The following MARCHF4 variants were observed in gnomAD, a reference collection of about 807,000 sequenced individuals.
MARCHF4 encodes E3 ubiquitin-protein ligase MARCHF4.
In MARCHF4, 14 loss-of-function variants were observed where a neutral mutation model predicts 43.9. That is an observed-to-expected ratio of 0.32 (90% CI 0.21 to 0.50). The LOEUF (loss-of-function observed/expected upper bound fraction) is 0.50, where lower values mean the gene tolerates loss of function less well. Among genes scored for constraint, MARCHF4 ranks in the 20% least tolerant of loss-of-function variants. The pLI is 0.98. For missense variants in MARCHF4, 468 were observed against 536.7 expected (o/e 0.87, Z 1.27); for synonymous variants, 226 against 213.3 (o/e 1.06, Z -0.52).
In MARCHF4 at chr2:216,369,968, CCCA is replaced by C. The variant is rs1299715647; in HGVS notation, c.290_292del (p.Val97del). 1.9e-6 allele frequency: 3 copies of C among 1,565,898 alleles called. No individual in the cohort carries two copies. Among genetic ancestry groups the C allele is most frequent in the East Asian group, 2.3e-5 (1 of 42,622 alleles). On this transcript the variant is annotated inframe_deletion, in exon 1 of 4. Transcript: ENST00000273067. The stretch of plus-strand genomic sequence containing the variant: ...AGGTGGCACAGGAGGGGGCTCCCTG[CCCA>C]CCACTTCTCGGGGGCCCCTCCAGCC...
chr2:216,320,685 T>C, intron 1 of MARCHF4, among the ~76,000 whole-genome samples: 1 of 144,232 alleles, frequency 6.9e-6, no homozygotes, highest in South Asian at 2.2e-4. Flanking sequence ...CTTTTTTTTT[T>C]TTTGAGATGG....
intron 3 of MARCHF4, among the ~76,000 whole-genome samples, chr2:216,272,727 T>C (rs1020660835): frequency 1.3e-5 from 2 of 152,212 alleles, no homozygotes; most frequent in African/African-American, 2.4e-5. Flanking sequence ...GTTTGTTCCA[T>C]CCAAAGCAAC....
At chr2:216,353,539 T>C (rs1207161310) in intron 1 of MARCHF4, among the ~76,000 whole-genome samples, 1 of 152,054 alleles carries the variant, frequency 6.6e-6, no homozygotes, top group Admixed American at 6.5e-5. Context: ...TCTGGGTCCT[T>C]GTTTCTTCTT....
Position 216,369,822 on chromosome 2 carries a change from G to C in MARCHF4, c.439C>G (p.Arg147Gly). ...DDFCKEKTED[R>G]YSLGSSLDSG... Reference sequence around the variant, plus strand: ...TCCAAGCTGCTGCCCAGTGAGTAGCGATCCTCGGTCTTCTCCTTACAGAAG... The same window carrying C: ...TCCAAGCTGCTGCCCAGTGAGTAGCCATCCTCGGTCTTCTCCTTACAGAAG... The change falls in exon 1 of 4, where the codon CGC (arginine) becomes GGC (glycine). Residue 147 changes from arginine to glycine, a missense_variant. This residue lies in a region of MARCHF4 where 158 missense variants were observed against 251.1 expected (regional missense o/e 0.63). Coordinates refer to ENST00000273067, the MANE Select transcript of MARCHF4 (RefSeq NM_020814.3). 1.2e-6 allele frequency: 2 copies of C among 1,613,854 alleles called. No homozygotes were observed. Among genetic ancestry groups the C allele is most frequent in the Non-Finnish European group, 1.7e-6 (2 of 1,179,978 alleles).
intron 1 of MARCHF4, among the ~76,000 whole-genome samples, chr2:216,357,443 C>G (rs1302213753): frequency 6.6e-6 from 1 of 152,188 alleles, no homozygotes; most frequent in Non-Finnish European, 1.5e-5. Context: ...ACCTCAGTCC[C>G]CTGAGTAGCT....
At chr2:216,367,461 G>A (rs530635194) in intron 1 of MARCHF4, among the ~76,000 whole-genome samples, 2 of 150,746 alleles carry the variant, frequency 1.3e-5, no homozygotes, top group African/African-American at 2.4e-5. Flanking sequence ...AAAAAAAAAT[G>A]AGAAGAAACT....
chr2:216,293,950 G>A lies in MARCHF4; in HGVS notation c.517-10221C>T, dbSNP rs866357752. On this transcript the variant is annotated intron_variant, in intron 1 of 3. Coordinates refer to ENST00000273067, the MANE Select transcript of MARCHF4 (RefSeq NM_020814.3). ...GACCTAAATGTGTAATATACTGTCC[G>A]TTTGTCTTTCTGCATAACTCATCAT... Among the ~76,000 whole-genome samples, 16 of 86,714 alleles carry A rather than the reference G, an allele frequency of 1.8e-4. 2 individuals are homozygous for A. The highest frequency in any genetic ancestry group is 1.7e-3 in the South Asian group (5 of 2,998). 56.9% of individuals were successfully genotyped at this position (86,714 alleles called of 152,430 possible).
intron 1 of MARCHF4, among the ~76,000 whole-genome samples, chr2:216,299,143 T>C (rs1376187754): frequency 1.3e-5 from 2 of 151,736 alleles, no homozygotes; most frequent in African/African-American, 2.4e-5. Context: ...CTTTGCACTG[T>C]AGGGAAGGAG....
intron 3 of MARCHF4, among the ~76,000 whole-genome samples, chr2:216,260,518 G>A (rs986889107): frequency 3.3e-5 from 5 of 152,242 alleles, no homozygotes; most frequent in Non-Finnish European, 7.3e-5. Context: ...AGAGATCCAT[G>A]CAAAGATCTG....
rs1692592901 is a variant in MARCHF4, at chr2:216,362,199, A to G, written c.516+7546T>C. 3.9e-5 allele frequency among the ~76,000 whole-genome samples: 6 copies of G among 152,186 alleles called. No individual in the cohort carries two copies. The South Asian group carries it at 1.2e-3, about 32-fold the overall frequency. On this transcript the variant is annotated intron_variant, in intron 1 of 3. Transcript: ENST00000273067. ...GATTACCAGGACAAGAATCATTGCT[A>G]TTTCTCATTATAGAAACAGAAAATG...
At chr2:216,367,635 A>T (rs1186445308) in intron 1 of MARCHF4, among the ~76,000 whole-genome samples, 8 of 152,236 alleles carry the variant, frequency 5.3e-5, no homozygotes. Context: ...CTTAATGCAG[A>T]CAGGGCCCCC....
At chr2:216,355,186 G>C (rs1178975671) in intron 1 of MARCHF4, among the ~76,000 whole-genome samples, 2 of 151,962 alleles carry the variant, frequency 1.3e-5, no homozygotes, top group Non-Finnish European at 2.9e-5. Flanking sequence ...TGGTCAGGCT[G>C]GTCTTGAACT....
chr2:216,296,244 G>T (rs1691391776), intron 1 of MARCHF4, among the ~76,000 whole-genome samples: 2 of 152,346 alleles, frequency 1.3e-5, no homozygotes, highest in South Asian at 4.1e-4. Flanking sequence ...TACTTGGGAG[G>T]CTGAGGCAGG....
At chr2:216,271,957 ATTTTTTTTT>A (rs57629851) in intron 3 of MARCHF4, among the ~76,000 whole-genome samples, 1 of 100,602 alleles carries the variant, frequency 9.9e-6, no homozygotes, top group African/African-American at 4.1e-5. Flanking sequence ...CACCTGGCTA[ATTTTTTTTT>A]TTTTTTTTTT....
intron 3 of MARCHF4, among the ~76,000 whole-genome samples, chr2:216,270,365 C>G (rs1023153795): frequency 6.6e-6 from 1 of 152,136 alleles, no homozygotes; most frequent in Non-Finnish European, 1.5e-5. Context: ...CATTAGCCAC[C>G]ATGTCTGGCC....
At chr2:216,340,912 G>C (rs945815983) in intron 1 of MARCHF4, among the ~76,000 whole-genome samples, 1 of 152,134 alleles carries the variant, frequency 6.6e-6, no homozygotes, top group Non-Finnish European at 1.5e-5. Flanking sequence ...CTTGTCCAAG[G>C]TCACACAGCC....
chr2:216,283,859 A>C, intron 1 of MARCHF4, 130 bp from the exon 2 acceptor site: 1 of 977,328 alleles, frequency 1.0e-6, no homozygotes. Context: ...GTTTGGGGGC[A>C]CCAGACTCCA....
intron 1 of MARCHF4, among the ~76,000 whole-genome samples, chr2:216,290,088 A>G (rs1243520132): frequency 1.3e-5 from 2 of 152,264 alleles, no homozygotes; most frequent in Admixed American, 1.3e-4. Flanking sequence ...TAGTCAAGAC[A>G]GACAATAAAT....
intron 1 of MARCHF4, among the ~76,000 whole-genome samples, chr2:216,330,960 G>T (rs921535564): frequency 6.6e-6 from 1 of 151,884 alleles, no homozygotes; most frequent in African/African-American, 2.4e-5. Flanking sequence ...TGAGAAGAAG[G>T]AAGGGAATCA....
Sources: gnomAD v4.1 joint callset for allele counts (sites outside exome capture counted in the v4.1 genomes callset) on GRCh38, gnomAD v4.1.1 for gene constraint, gnomAD v4.1.1 regional missense constraint, MANE v1.5 for transcripts, NCBI Gene and HGNC (gene_info 2026-07-23, HGNC 2026-07-21) for gene names.